Variants in AACS observed in about 807,000 individuals in gnomAD.
AACS encodes acetoacetyl-CoA synthetase.
In AACS, 69 loss-of-function variants were observed where a neutral mutation model predicts 83.1. The observed-to-expected ratio is 0.83, with a 90% confidence interval of 0.68 to 1.01. The LOEUF is 1.01. Among genes scored for constraint, AACS ranks in the 50% least tolerant of loss-of-function variants. The pLI, the probability that AACS is intolerant of heterozygous loss-of-function variation, is 0.00. For missense variants in AACS, 866 were observed against 882.2 expected (o/e 0.98, Z 0.23); for synonymous variants, 333 against 343.4 (o/e 0.97, Z 0.33).
chr12:125,133,906 C>G, intron 14 of AACS, 97 bp from the exon 15 acceptor site: 1 of 1,243,708 alleles, frequency 8.0e-7, no homozygotes, highest in Non-Finnish European at 1.2e-6. Context: ...CCTCTGGGCC[C>G]CAGTGATGTC....
At chr12:125,128,099 T>C (rs2136130416) in intron 12 of AACS, 62 bp from the exon 13 acceptor site, 3 of 1,300,904 alleles carry the variant, frequency 2.3e-6, no homozygotes, top group East Asian at 2.4e-5. Context: ...TGTTGCTCAC[T>C]AATTTAACAC....
At chr12:125,114,632 A>T (rs941903468) in intron 9 of AACS, 75 bp downstream of exon 9, 3 of 1,291,412 alleles carry the variant, frequency 2.3e-6, no homozygotes, top group African/African-American at 3.4e-5. Context: ...CATGACACAT[A>T]GTAAGGACTT....
chr12:125,101,801 CTG>C lies in AACS; in HGVS notation c.571-876_571-875del, dbSNP rs1391684631. On this transcript the variant is annotated intron_variant, in intron 5 of 17. Transcript: ENST00000316519. ...TTTTTTTTTGAGATGGAGTCTCACT[CTG>C]TCGCCCAGGGTGGAGTGCAGTGGCA... The C allele has an allele frequency of 5.9e-5, 7 of 118,430 alleles. No homozygotes were observed. The East Asian group carries it at 1.8e-3, about 31-fold the overall frequency. 7.3% of individuals were successfully genotyped at this position (118,430 alleles called of 1,614,324 possible).
At chr12:125,087,165 G>A (rs533808597) in intron 4 of AACS, among the ~76,000 whole-genome samples, 2 of 152,236 alleles carry the variant, frequency 1.3e-5, no homozygotes, top group South Asian at 2.1e-4. Context: ...CGCCCTTCCC[G>A]CCTTGAGCCA....
At chr12:125,115,222 G>T (rs1433761140) in intron 9 of AACS, among the ~76,000 whole-genome samples, 1 of 151,486 alleles carries the variant, frequency 6.6e-6, no homozygotes, top group Non-Finnish European at 1.5e-5. Context: ...CTTCCACAGT[G>T]ATCTAGCTAC....
At chr12:125,091,015 T>G in intron 4 of AACS, 1 of 204,544 alleles carries the variant, frequency 4.9e-6, no homozygotes, top group Non-Finnish European at 1.0e-5. Context: ...GAAGTTTCAT[T>G]TGAGTGAAGA....
At chr12:125,125,146 G>T in intron 12 of AACS, 122 bp downstream of exon 12, 1 of 1,426,030 alleles carries the variant, frequency 7.0e-7, no homozygotes, top group Non-Finnish European at 9.5e-7. Flanking sequence ...AATACGCACA[G>T]TCCCTTCTCA....
chr12:125,133,180 CAGG>C (rs1315966436), intron 14 of AACS, among the ~76,000 whole-genome samples: 1 of 152,298 alleles, frequency 6.6e-6, no homozygotes, highest in South Asian at 2.1e-4. Context: ...GTGGTGTCAG[CAGG>C]AGGAGGCCCC....
rs1956027265 is a variant in AACS at position 125,076,546 on chromosome 12, G to A, written c.293G>A (p.Arg98Gln). 9.9e-6 allele frequency: 16 copies of A among 1,614,108 alleles called. No individual in the cohort carries two copies. Among genetic ancestry groups the A allele is most frequent in the East Asian group, 6.7e-5 (3 of 44,882 alleles). The part of the protein sequence containing the change: ...ADVPEWFKGS[R>Q]LNYAENLLRH... ...GTCCCCGAGTGGTTCAAAGGCAGTC[G>A]GCTCAACTATGCAGAAAACCTCCTG... The change falls in exon 3 of 18, where the codon CGG (arginine) becomes CAG (glutamine). Residue 98 changes from arginine (R) to glutamine (Q), a missense_variant. Physicochemically the swap from Arg to Gln is conservative, Grantham distance 43. Coordinates refer to ENST00000316519, the MANE Select transcript of AACS (RefSeq NM_023928.5).
At chr12:125,132,061 GC>G (rs751658222) in intron 14 of AACS, among the ~76,000 whole-genome samples, 3 of 152,204 alleles carry the variant, frequency 2.0e-5, no homozygotes, top group Non-Finnish European at 4.4e-5. Context: ...GAGACTCGAA[GC>G]TTAAGTCAGT....
intron 1 of AACS, among the ~76,000 whole-genome samples, chr12:125,071,957 A>T (rs529995079): frequency 6.6e-6 from 1 of 152,098 alleles, no homozygotes; most frequent in Non-Finnish European, 1.5e-5. Flanking sequence ...TCCTGTGTTC[A>T]AGAGATTCTC....
At chr12:125,083,424 A>G (rs901014108) in intron 3 of AACS, among the ~76,000 whole-genome samples, 1 of 147,570 alleles carries the variant, frequency 6.8e-6, no homozygotes, top group African/African-American at 2.4e-5. Flanking sequence ...GGCAGGAGTC[A>G]CTGGGGGGCC....
chr12:125,086,135 C>T (rs542481786), intron 3 of AACS, among the ~76,000 whole-genome samples, 195 bp from the exon 4 acceptor site: 5 of 152,300 alleles, frequency 3.3e-5, no homozygotes, highest in South Asian at 2.1e-4. Context: ...TGTATATGTT[C>T]GGCTGACTCT....
At chr12:125,068,015 C>T (rs1220566156) in intron 1 of AACS, among the ~76,000 whole-genome samples, 1 of 152,132 alleles carries the variant, frequency 6.6e-6, no homozygotes, top group Non-Finnish European at 1.5e-5. Flanking sequence ...GCCCTGGGTC[C>T]CTGGGGTTGT....
intron 3 of AACS, among the ~76,000 whole-genome samples, chr12:125,077,025 A>G (rs1487630574): frequency 6.6e-6 from 1 of 150,620 alleles, no homozygotes; most frequent in African/African-American, 2.4e-5. Flanking sequence ...CTCCCACCTC[A>G]GCTTCCTGAG....
Position 125,129,531 on chromosome 12 carries a change from A to G in AACS, c.1549+71A>G, listed in dbSNP as rs565548307. On this transcript the variant is annotated intron_variant, in intron 14 of 17. Coordinates refer to ENST00000316519, the MANE Select transcript of AACS (RefSeq NM_023928.5). The surrounding 1 kb of genome is among the most constrained non-coding windows in gnomAD (Gnocchi z 4.3). ...CTGGGCCTTCTGTGTCTAATTCTGT[A>G]CCATCGTGCCCCTCCCCTCTTCCTT... The G allele has an allele frequency of 4.0e-4, 619 of 1,552,734 alleles. 1 individual carries two copies. Among genetic ancestry groups the G allele is most frequent in the Non-Finnish European group, 5.1e-4 (584 of 1,147,500 alleles).
chr12:125,070,916 G>A (rs879993), intron 1 of AACS, among the ~76,000 whole-genome samples: 21,410 of 152,258 alleles, frequency 0.14, 1,888 homozygotes, highest in East Asian at 0.24. Context: ...AATCCTCACT[G>A]TGTGGTGTGG....
intron 9 of AACS, 140 bp downstream of exon 9, chr12:125,114,697 GCTATACCACAATA>G: frequency 2.1e-6 from 1 of 482,270 alleles, no homozygotes; most frequent in Non-Finnish European, 3.4e-6. Context: ...GCTGGCCTGT[GCTATACCACAATA>G]GGGGCTTCCC....
chr12:125,134,210 A>G (rs1223751104), intron 15 of AACS, 138 bp downstream of exon 15: 2 of 840,462 alleles, frequency 2.4e-6, no homozygotes, highest in East Asian at 2.7e-5. Flanking sequence ...CAGGGTGTCC[A>G]CACCACCCAC....
Sources: gnomAD v4.1 joint callset for allele counts (sites outside exome capture counted in the v4.1 genomes callset) on GRCh38, gnomAD v4.1.1 for gene constraint, Gnocchi (gnomAD v3.1) non-coding constraint, MANE v1.5 for transcripts, NCBI Gene and HGNC (gene_info 2026-07-23, HGNC 2026-07-21) for gene names.